Variants in DMXL1 observed in about 807,000 individuals in gnomAD.
DMXL1 encodes the protein dmX-like protein 1.
In DMXL1, 99 loss-of-function variants were observed where a neutral mutation model predicts 319.2. The ratio of observed to expected loss-of-function variants is 0.31; its 90% CI spans 0.26 to 0.37. The LOEUF is 0.37. Among genes scored for constraint, DMXL1 ranks in the 10% least tolerant of loss-of-function variants. The pLI, the probability that DMXL1 is intolerant of heterozygous loss-of-function variation, is 1.00. For missense variants in DMXL1, 3,745 were observed against 3,595.6 expected, an observed-to-expected ratio of 1.04 and a Z score of -1.06; for synonymous variants, 1,385 against 1,235.2, an observed-to-expected ratio of 1.12 and a Z score of -2.54.
chr5:119,119,432 C>G (rs985216309), intron 8 of DMXL1, among the ~76,000 whole-genome samples: 1 of 151,970 alleles, frequency 6.6e-6, no homozygotes, highest in Non-Finnish European at 1.5e-5. Context: ...AAGTAAAAGT[C>G]AATTTTTGAT....
At chr5:119,100,286 A>G (rs982430292) in intron 2 of DMXL1, among the ~76,000 whole-genome samples, 3 of 151,650 alleles carry the variant, frequency 2.0e-5, no homozygotes, top group Admixed American at 2.0e-4. Flanking sequence ...AAAAAAAAAC[A>G]TTAGCTGGGC....
At chr5:119,103,393 C>T (rs1757682967) in intron 3 of DMXL1, among the ~76,000 whole-genome samples, 1 of 152,282 alleles carries the variant, frequency 6.6e-6, no homozygotes, top group South Asian at 2.1e-4. Flanking sequence ...CAAATTACTT[C>T]AAACCTAGTT....
chr5:119,239,371 A>G (rs889979848), intron 41 of DMXL1, among the ~76,000 whole-genome samples: 1 of 152,110 alleles, frequency 6.6e-6, no homozygotes, highest in African/African-American at 2.4e-5. Flanking sequence ...ATTTATCTGT[A>G]AGGCCACACT....
At chr5:119,154,312 T>C (rs1770516029) in intron 19 of DMXL1, among the ~76,000 whole-genome samples, 2 of 152,250 alleles carry the variant, frequency 1.3e-5, no homozygotes, top group Non-Finnish European at 2.9e-5. Flanking sequence ...GCTAAGCCTC[T>C]TGTGCCAAAC....
rs774470399 is a variant in DMXL1, at chr5:119,134,272, A to G, written c.2259A>G (p.Ala753=). 1.1e-5 allele frequency: 17 copies of G among 1,610,904 alleles called. No homozygotes were observed. The South Asian group carries it at 1.2e-4, about 12-fold the overall frequency. The stretch of plus-strand genomic sequence containing the variant: ...ATATTTGTAAATACTTTCTAGGTGC[A>G]TACTGCAACTCTCCTAGTGCATGCT... ...PTLIPSYCLG[A]YCNSPSACFV... Residue 753 remains alanine, a synonymous_variant, in exon 13 of 44, where the codon GCA becomes GCG. Coordinates refer to ENST00000539542, the MANE Select transcript of DMXL1 (RefSeq NM_001290321.3).
At chr5:119,101,434 G>A (rs1757258467) in intron 2 of DMXL1, among the ~76,000 whole-genome samples, 1 of 152,162 alleles carries the variant, frequency 6.6e-6, no homozygotes, top group South Asian at 2.1e-4. Flanking sequence ...AGCCAGGAAA[G>A]GTTATGATCC....
chr5:119,243,873 T>G (rs1040826880), intron 42 of DMXL1, among the ~76,000 whole-genome samples: 17 of 152,242 alleles, frequency 1.1e-4, no homozygotes, highest in African/African-American at 4.1e-4. Context: ...ATGGCAAGCA[T>G]TGTGAATTTT....
chr5:119,213,216 C>G (rs1057462790), intron 34 of DMXL1, among the ~76,000 whole-genome samples: 5 of 152,160 alleles, frequency 3.3e-5, no homozygotes, highest in Non-Finnish European at 5.9e-5. Context: ...CCCCACAGAT[C>G]AATATATTTT....
intron 1 of DMXL1, among the ~76,000 whole-genome samples, chr5:119,084,112 A>AT (rs1336385403): frequency 6.6e-6 from 1 of 150,668 alleles, no homozygotes; most frequent in African/African-American, 2.4e-5. Context: ...CTGTTCATGT[A>AT]TTCCCCCCCT....
rs780861883 is a variant in DMXL1 at position 119,197,799 on chromosome 5, C to G, written c.7588C>G (p.Leu2530Val). ...TCTTTGTCATGCGGTTCTAAAAACT[C>G]TTCAATGTTGGGAACAAGTTCTTCT... ...SPLCHAVLKT[L>V]QCWEQVLLRR... The change falls in exon 32 of 44, where the codon CTT (leucine) becomes GTT (valine). Residue 2530 changes from leucine (L) to valine (V), a missense_variant. Transcript: ENST00000539542. 2.8e-5 allele frequency: 45 copies of G among 1,614,026 alleles called. No individual in the cohort carries two copies. The highest frequency in any genetic ancestry group is 3.6e-5 in the Non-Finnish European group (43 of 1,180,032).
chr5:119,192,920 G>C (rs994059141), intron 29 of DMXL1, among the ~76,000 whole-genome samples: 4 of 152,060 alleles, frequency 2.6e-5, no homozygotes, highest in African/African-American at 4.8e-5. Flanking sequence ...AAAAACCTAA[G>C]AGTCATTCAT....
chr5:119,083,886 A>G (rs1288324398), intron 1 of DMXL1, among the ~76,000 whole-genome samples: 1 of 152,106 alleles, frequency 6.6e-6, no homozygotes, highest in Non-Finnish European at 1.5e-5. Context: ...TAGTGGTTTT[A>G]CTAATTTACA....
rs560967029 is a variant in DMXL1, at chr5:119,220,314, C to G, written c.8014-158C>G. ...CATAGAACATAAACGTATCTCCAAACTGAAGCTTATTATTTCACTAAAAGT... is the reference window on the plus strand; with the variant it reads ...CATAGAACATAAACGTATCTCCAAAGTGAAGCTTATTATTTCACTAAAAGT... On this transcript the variant is annotated intron_variant, in intron 35 of 43. Coordinates refer to ENST00000539542, the MANE Select transcript of DMXL1 (RefSeq NM_001290321.3). 3.3e-5 allele frequency among the ~76,000 whole-genome samples: 5 copies of G among 152,270 alleles called. No individual in the cohort carries two copies. In the South Asian group the frequency reaches 1.0e-3, roughly 32 times the overall value.
intron 28 of DMXL1, among the ~76,000 whole-genome samples, chr5:119,184,986 A>G (rs1777443788): frequency 6.6e-6 from 1 of 152,174 alleles, no homozygotes. Flanking sequence ...ACATTACCTT[A>G]TCCATAAAAC....
chr5:119,071,810 C>G (rs1321335309), intron 1 of DMXL1, among the ~76,000 whole-genome samples, 154 bp downstream of exon 1: 1 of 152,046 alleles, frequency 6.6e-6, no homozygotes, highest in Admixed American at 6.5e-5. Context: ...CCCTTGAGAA[C>G]TAAGGAAGCA....
chr5:119,100,744 CCT>C (rs1757063781), intron 2 of DMXL1: 1 of 147,486 alleles, frequency 6.8e-6, no homozygotes, highest in Non-Finnish European at 1.5e-5. Context: ...ACATACATTG[CCT>C]CTTTTAATCT....
chr5:119,195,272 G>A (rs1308445402), intron 30 of DMXL1, among the ~76,000 whole-genome samples: 3 of 152,236 alleles, frequency 2.0e-5, no homozygotes, highest in Admixed American at 1.3e-4. Context: ...TGAAAACAGG[G>A]ACTGAAACAG....
At chr5:119,131,858 A>G (rs1257974414) in intron 10 of DMXL1, among the ~76,000 whole-genome samples, 1 of 152,222 alleles carries the variant, frequency 6.6e-6, no homozygotes, top group Admixed American at 6.5e-5. Flanking sequence ...TATGTTTTTC[A>G]TCTTGAATCC....
intron 1 of DMXL1, among the ~76,000 whole-genome samples, chr5:119,085,618 A>G (rs1049418850): frequency 3.3e-5 from 5 of 152,078 alleles, no homozygotes; most frequent in African/African-American, 1.2e-4. Flanking sequence ...TGAGTATACA[A>G]TCATATCATT....
Sources: gnomAD v4.1 joint callset for allele counts (sites outside exome capture counted in the v4.1 genomes callset) on GRCh38, gnomAD v4.1.1 for gene constraint, MANE v1.5 for transcripts, NCBI Gene and HGNC (gene_info 2026-07-23, HGNC 2026-07-21) for gene names.